Variants in PRAG1 observed in about 807,000 individuals in gnomAD.
PRAG1 encodes the protein inactive tyrosine-protein kinase PRAG1.
Under a neutral mutation model 95.6 loss-of-function variants are expected in PRAG1, and 110 were observed. The observed-to-expected ratio is 1.15, with a 90% CI of 0.99 to 1.35. PRAG1 has a LOEUF of 1.35. Among genes scored for constraint, PRAG1 ranks in the 40% most tolerant of loss-of-function variants. PRAG1 has a pLI of 0.00. For synonymous variants in PRAG1, 1,052 were observed against 819.4 expected, an observed-to-expected ratio of 1.28 and a Z score of -4.85; for missense variants, 2,554 against 1,864.7, an observed-to-expected ratio of 1.37 and a Z score of -6.81.
At chr8:8,360,410 C>T (rs1799808312) in intron 3 of PRAG1, among the ~76,000 whole-genome samples, 2 of 152,130 alleles carry the variant, frequency 1.3e-5, no homozygotes, top group African/African-American at 4.8e-5. Context: ...TCCTGAATTA[C>T]CAAAATTTCT....
chr8:8,363,089 G>A (rs200617237), intron 3 of PRAG1, among the ~76,000 whole-genome samples: 72 of 142,788 alleles, frequency 5.0e-4, no homozygotes, highest in East Asian at 2.1e-3. Context: ...ATATGTGTGC[G>A]TGTGTATATA....
intron 3 of PRAG1, among the ~76,000 whole-genome samples, chr8:8,358,444 C>T (rs953283544): frequency 2.6e-5 from 4 of 152,188 alleles, no homozygotes; most frequent in Admixed American, 1.3e-4. Context: ...GCCTCTCTCC[C>T]CAACCCTGTG....
At chr8:8,336,908 TCC>T (rs1214780667) in intron 4 of PRAG1, among the ~76,000 whole-genome samples, 3 of 49,030 alleles carry the variant, frequency 6.1e-5, no homozygotes, top group Admixed American at 2.7e-4. Context: ...CACACCCCTT[TCC>T]CCCCTCCCCC....
At position 8,376,401 on chromosome 8, in the gene PRAG1, T is replaced by C. The variant is rs781168064; in HGVS notation, c.2008A>G (p.Thr670Ala). The C allele has an allele frequency of 5.6e-6, 9 of 1,614,022 alleles. No homozygotes were observed. Among genetic ancestry groups the C allele is most frequent in the Non-Finnish European group, 7.6e-6 (9 of 1,180,020 alleles). ...TCTGTGGGGTGGAGACGGTGCCAGG[T>C]CGTGGAGTTTGAATGGTCCGTGGGG... ...NGPTDHSNSTTWHRLHPTDGS... is the reference protein window; with the variant it reads ...NGPTDHSNSTAWHRLHPTDGS... Residue 670 changes from threonine (T) to alanine (A), a missense_variant, in exon 3 of 6, where the codon ACC becomes GCC. By Grantham distance (58) the Thr-to-Ala change is moderately conservative. Transcript: ENST00000615670.
At position 8,317,881 on chromosome 8, in the gene PRAG1, A is replaced by T; in HGVS notation, c.*273T>A. ...GCATTCAGTTCACAGAACTGTCCTCAGGACGTTGCATGGAACTGGAAATGT... is the reference window on the plus strand; with the variant it reads ...GCATTCAGTTCACAGAACTGTCCTCTGGACGTTGCATGGAACTGGAAATGT... On this transcript the variant is annotated 3_prime_UTR_variant, in exon 6 of 6. Transcript: ENST00000615670. The T allele has an allele frequency of 3.9e-6, 1 of 253,688 alleles. No individual in the cohort carries two copies. The highest frequency in any genetic ancestry group is 7.4e-5 in the East Asian group (1 of 13,526). 15.7% of individuals were successfully genotyped at this position (253,688 alleles called of 1,614,324 possible).
In PRAG1 at chr8:8,376,734, A is replaced by T. The variant is rs769446326; in HGVS notation, c.1675T>A (p.Ser559Thr). 3.1e-6 allele frequency: 5 copies of T among 1,609,822 alleles called. No individual in the cohort carries two copies. In the African/African-American group the frequency reaches 4.0e-5, roughly 13 times the overall value. The change falls in exon 3 of 6, where the codon TCA becomes ACA. Residue 559 changes from serine to threonine, a missense_variant. Coordinates refer to ENST00000615670, the MANE Select transcript of PRAG1 (RefSeq NM_001080826.3). Reference protein sequence around the residue: ...SKSSPVGSPVSPSAGGPPVSP... With the variant: ...SKSSPVGSPVTPSAGGPPVSP... ...ACTGGGGGCCCTCCAGCAGACGGTGACACCGGGGACCCTACAGGGCTACTC... is the reference window on the plus strand; with the variant it reads ...ACTGGGGGCCCTCCAGCAGACGGTGTCACCGGGGACCCTACAGGGCTACTC...
intron 3 of PRAG1, among the ~76,000 whole-genome samples, chr8:8,355,287 T>C (rs1288709269): frequency 1.3e-5 from 2 of 152,156 alleles, no homozygotes; most frequent in Non-Finnish European, 2.9e-5. Flanking sequence ...TGCAAATATA[T>C]ACCATGTTCA....
At chr8:8,324,005 A>G (rs1798551184) in intron 5 of PRAG1, among the ~76,000 whole-genome samples, 1 of 152,218 alleles carries the variant, frequency 6.6e-6, no homozygotes, top group Non-Finnish European at 1.5e-5. Flanking sequence ...TGACAGGGGC[A>G]GGGATAGTCC....
intron 3 of PRAG1, among the ~76,000 whole-genome samples, chr8:8,364,827 A>T (rs1799951586): frequency 6.6e-6 from 1 of 152,122 alleles, no homozygotes; most frequent in African/African-American, 2.4e-5. Flanking sequence ...CAGACCCTGA[A>T]CTGTAAGGAT....
chr8:8,376,814 C>T lies in PRAG1; in HGVS notation c.1595G>A (p.Ser532Asn), dbSNP rs964283047. The change falls in exon 3 of 6, where the codon AGT becomes AAT. Residue 532 changes from serine to asparagine, a missense_variant. Ser to Asn is a conservative substitution (Grantham distance 46, BLOSUM62 1). Transcript: ENST00000615670. The part of the protein sequence containing the change: ...GLSSRESHAH[S>N]ASESKPKERP... ...CTCCTTGGGCTTGCTCTCGCTGGCA[C>T]TGTGAGCATGGCTTTCCCTGGAGCT... 1.2e-6 allele frequency: 2 copies of T among 1,611,998 alleles called. No homozygotes were observed. Among genetic ancestry groups the T allele is most frequent in the Admixed American group, 1.7e-5 (1 of 59,996 alleles).
In PRAG1 at chr8:8,339,482, A is replaced by G; in HGVS notation, c.2316T>C (p.Asp772=). ...CGTCAATGTCAAGTTTGTTACCTCC[A>G]TCGCTGCAGGTCCTAGAGTCTGAGG... ...SLASDSRTCS[D]GGPSSELAHS... is the part of the protein sequence containing the mutation. Residue 772 remains aspartate, a synonymous_variant, in exon 4 of 6, where the codon GAT becomes GAC. Coordinates refer to ENST00000615670, the MANE Select transcript of PRAG1 (RefSeq NM_001080826.3). 6.2e-7 allele frequency: 1 copy of G among 1,613,868 alleles called. No homozygotes were observed. Among genetic ancestry groups the G allele is most frequent in the East Asian group, 2.2e-5 (1 of 44,874 alleles).
At chr8:8,352,464 G>A (rs1306717917) in intron 3 of PRAG1, among the ~76,000 whole-genome samples, 1 of 152,138 alleles carries the variant, frequency 6.6e-6, no homozygotes, top group Non-Finnish European at 1.5e-5. Context: ...AGGGCTCCCT[G>A]GTAATGCTTG....
At chr8:8,381,313 T>A (rs1487240187) in intron 2 of PRAG1, 105 bp downstream of exon 2, 8 of 1,121,142 alleles carry the variant, frequency 7.1e-6, no homozygotes, top group African/African-American at 4.7e-5. Flanking sequence ...GAAGCTATCC[T>A]GCAGGTTTCT....
intron 5 of PRAG1, among the ~76,000 whole-genome samples, chr8:8,322,018 A>G (rs1445015051): frequency 6.6e-6 from 1 of 152,174 alleles, no homozygotes; most frequent in East Asian, 1.9e-4. Context: ...ATTAAGAGGA[A>G]CTCACGGGCA....
At chr8:8,333,972 T>C (rs1220753093) in intron 4 of PRAG1, among the ~76,000 whole-genome samples, 1 of 152,212 alleles carries the variant, frequency 6.6e-6, no homozygotes, top group African/African-American at 2.4e-5. Context: ...GTGGCTGTCA[T>C]GCAGGTTTCT....
rs60793591 is a variant in PRAG1 at position 8,385,707 on chromosome 8, C to T, written c.-88+614G>A. Among the ~76,000 whole-genome samples the T allele has an allele frequency of 8.6e-3, 1,316 of 152,364 alleles. 52 individuals carry two copies. In the East Asian group the frequency reaches 0.12, roughly 13 times the overall value. ...GGCGCTCTCCGCTGCGAATGCCCGG[C>T]CGCCTCCATGCCCAGCAGAGGATTC... On this transcript the variant is annotated intron_variant, in intron 1 of 5. Transcript: ENST00000615670.
chr8:8,374,784 G>A, intron 3 of PRAG1: 1 of 862,692 alleles, frequency 1.2e-6, no homozygotes, highest in South Asian at 5.3e-5. Flanking sequence ...TAGTGGTCAT[G>A]AGAAAAAAAC....
chr8:8,383,356 A>T (rs1227267492), intron 1 of PRAG1, among the ~76,000 whole-genome samples: 1 of 152,172 alleles, frequency 6.6e-6, no homozygotes, highest in African/African-American at 2.4e-5. Context: ...CGATCGCTTG[A>T]GCCCAGGAGT....
At chr8:8,346,335 A>C (rs930244625) in intron 3 of PRAG1, among the ~76,000 whole-genome samples, 2 of 152,222 alleles carry the variant, frequency 1.3e-5, no homozygotes, top group Non-Finnish European at 2.9e-5. Flanking sequence ...GTCTTCACTC[A>C]CGTAGTGTGA....
Sources: gnomAD v4.1 joint callset for allele counts (sites outside exome capture counted in the v4.1 genomes callset) on GRCh38, gnomAD v4.1.1 for gene constraint, MANE v1.5 for transcripts, NCBI Gene and HGNC (gene_info 2026-07-23, HGNC 2026-07-21) for gene names.